Variants in LIN28B observed in about 807,000 individuals in gnomAD.
LIN28B encodes the protein lin-28 RNA binding posttranscriptional regulator B.
A neutral mutation model predicts 21.9 loss-of-function variants in LIN28B; 5 were observed. The observed-to-expected ratio is 0.23, with a 90% CI of 0.12 to 0.48. The LOEUF is 0.48. LIN28B is among the 20% of genes least tolerant of loss of function. LIN28B has a pLI of 0.98. For synonymous variants in LIN28B, 109 were observed against 111.3 expected, an observed-to-expected ratio of 0.98 and a Z score of 0.13; for missense variants, 245 against 310.5, an observed-to-expected ratio of 0.79 and a Z score of 1.58.
chr6:104,985,861 G>A (rs576363543), intron 2 of LIN28B, among the ~76,000 whole-genome samples: 1 of 152,250 alleles, frequency 6.6e-6, no homozygotes, highest in Non-Finnish European at 1.5e-5. Flanking sequence ...TTTGTCTTAT[G>A]AGTATTCAGT....
chr6:104,976,742 T>G (rs2114598746), intron 2 of LIN28B, among the ~76,000 whole-genome samples: 1 of 152,150 alleles, frequency 6.6e-6, no homozygotes. Flanking sequence ...TGTGGAGAGG[T>G]TAAAGAGCCT....
chr6:104,989,515 G>C (rs1180220378), intron 2 of LIN28B, among the ~76,000 whole-genome samples: 1 of 149,548 alleles, frequency 6.7e-6, no homozygotes, highest in Admixed American at 6.7e-5. Flanking sequence ...GAGCCACCAT[G>C]CCTGGTCCCA....
intron 3 of LIN28B, among the ~76,000 whole-genome samples, chr6:105,054,651 A>C (rs917529558): frequency 2.0e-5 from 3 of 152,218 alleles, no homozygotes; most frequent in African/African-American, 7.2e-5. Context: ...GAGAGTGACA[A>C]CCTGAAACCT....
intron 2 of LIN28B, among the ~76,000 whole-genome samples, chr6:104,966,644 CAG>C (rs1430352571): frequency 7.9e-4 from 103 of 130,442 alleles, no homozygotes; most frequent in African/African-American, 2.9e-3. Context: ...TTTTTTGAGA[CAG>C]AGTCTCGCTA....
chr6:105,065,434 G>C (rs1268319632), intron 3 of LIN28B, among the ~76,000 whole-genome samples: 1 of 152,182 alleles, frequency 6.6e-6, no homozygotes, highest in Non-Finnish European at 1.5e-5. Context: ...TACGTACATG[G>C]TGAACAGTTG....
chr6:104,966,708 G>A (rs1769866588), intron 2 of LIN28B, among the ~76,000 whole-genome samples: 2 of 147,672 alleles, frequency 1.4e-5, no homozygotes, highest in Middle Eastern at 3.6e-3. Context: ...TGCAAGCTCC[G>A]CCTCCCAGGT....
At chr6:104,996,898 T>C (rs1364350695) in intron 2 of LIN28B, among the ~76,000 whole-genome samples, 1 of 152,048 alleles carries the variant, frequency 6.6e-6, no homozygotes, top group Non-Finnish European at 1.5e-5. Flanking sequence ...GGTAGGAAGA[T>C]CACTTCACCC....
At chr6:104,952,001 C>G (rs1162566593) in intron 3 of LIN28B, among the ~76,000 whole-genome samples, 1 of 152,170 alleles carries the variant, frequency 6.6e-6, no homozygotes, top group Non-Finnish European at 1.5e-5. Context: ...TTTTACCCTG[C>G]CACTCTTCTT....
chr6:105,075,988 T>C (rs1772417235), intron 3 of LIN28B, among the ~76,000 whole-genome samples: 1 of 152,212 alleles, frequency 6.6e-6, no homozygotes, highest in Non-Finnish European at 1.5e-5. Flanking sequence ...TTATCTATTG[T>C]AGAGGAGAAC....
At chr6:104,992,867 T>A (rs74415270) in intron 2 of LIN28B, among the ~76,000 whole-genome samples, 2 of 152,066 alleles carry the variant, frequency 1.3e-5, no homozygotes, top group African/African-American at 4.8e-5. Flanking sequence ...TTTACTTTTC[T>A]CAAAATTTTT....
intron 2 of LIN28B, chr6:104,950,398 G>A (rs1409285121): frequency 2.3e-6 from 2 of 864,672 alleles, no homozygotes; most frequent in East Asian, 3.3e-5. Context: ...TGGCCATTAG[G>A]ATGAAGAAGA....
At chr6:104,984,887 T>G (rs889720323) in intron 2 of LIN28B, among the ~76,000 whole-genome samples, 4 of 152,226 alleles carry the variant, frequency 2.6e-5, no homozygotes, top group Non-Finnish European at 5.9e-5. Context: ...TTTGTGCTAT[T>G]TACAACATAA....
intron 2 of LIN28B, among the ~76,000 whole-genome samples, chr6:104,972,356 T>C (rs188531855): frequency 6.6e-6 from 1 of 151,324 alleles, no homozygotes; most frequent in African/African-American, 2.4e-5. Context: ...ACCCAGGCTT[T>C]AAAAAAAAAT....
At chr6:105,046,529 C>T (rs1408518181) in intron 3 of LIN28B, among the ~76,000 whole-genome samples, 1 of 152,180 alleles carries the variant, frequency 6.6e-6, no homozygotes, top group African/African-American at 2.4e-5. Context: ...TGGGTATACA[C>T]CCAGTAATGG....
chr6:104,978,959 C>T (rs533393340), intron 2 of LIN28B, among the ~76,000 whole-genome samples: 22 of 152,104 alleles, frequency 1.4e-4, no homozygotes, highest in African/African-American at 4.3e-4. Context: ...ATAAGTTGTC[C>T]GATTCAGTCT....
intron 3 of LIN28B, among the ~76,000 whole-genome samples, chr6:105,060,459 TTTATATTA>T (rs1261229099): frequency 6.6e-6 from 1 of 152,174 alleles, no homozygotes; most frequent in Non-Finnish European, 1.5e-5. Context: ...GTTCGTTTCA[TTTATATTA>T]TCCACAGTAA....
chr6:104,992,492 G>GTC (rs1770509366), intron 2 of LIN28B, among the ~76,000 whole-genome samples: 1 of 82,174 alleles, frequency 1.2e-5, no homozygotes, highest in African/African-American at 3.4e-5. Context: ...TGTTGTGTGT[G>GTC]TGTGTGTGTG....
At position 105,019,227 on chromosome 6, in the gene LIN28B, C is replaced by T. The variant is rs530260931; in HGVS notation, c.199-7071C>T. Among the ~76,000 whole-genome samples the T allele has an allele frequency of 1.1e-4, 16 of 152,282 alleles. No homozygotes were observed. In the South Asian group the frequency reaches 3.1e-3, roughly 30 times the overall value. ...CCTCCCAAAATGCTGGGATTACAGG[C>T]GTGAGCCACCGCGCCCATCTGGTCT... On this transcript the variant is annotated intron_variant, in intron 2 of 3. Transcript: ENST00000345080.
At chr6:105,018,830 GGTT>G (rs1161535931) in intron 2 of LIN28B, among the ~76,000 whole-genome samples, 1 of 151,970 alleles carries the variant, frequency 6.6e-6, no homozygotes, top group African/African-American at 2.4e-5. Context: ...TAAATTCTCT[GGTT>G]GTTTAAAATC....
Sources: allele counts gnomAD v4.1 joint callset (sites outside exome capture counted in the v4.1 genomes callset), GRCh38; gene constraint gnomAD v4.1.1; transcripts MANE v1.5; gene names NCBI Gene and HGNC (gene_info 2026-07-23, HGNC 2026-07-21).